CADPS: variants seen among roughly 807,000 people sequenced by gnomAD.
CADPS encodes the protein calcium dependent secretion activator.
A neutral mutation model predicts 167.3 loss-of-function variants in CADPS; 57 were observed. The ratio of observed to expected loss-of-function variants is 0.34; its 90% CI spans 0.28 to 0.42. The LOEUF is 0.42. Ranked by LOEUF, CADPS falls within the 20% of genes least tolerant of loss-of-function variation. The pLI is 1.00. For synonymous variants in CADPS, 676 were observed against 635.3 expected (o/e 1.06, Z -0.96); for missense variants, 1,414 against 1,738.1 (o/e 0.81, Z 3.32).
intron 21 of CADPS, among the ~76,000 whole-genome samples, chr3:62,484,304 G>T (rs769153805): frequency 1.3e-5 from 2 of 152,074 alleles, no homozygotes; most frequent in South Asian, 4.1e-4. Flanking sequence ...AATCAAGGAG[G>T]TAATTCTAAG....
chr3:62,550,077 C>G lies in CADPS; in HGVS notation c.1792G>C (p.Glu598Gln). The G allele has an allele frequency of 6.2e-7, 1 of 1,614,008 alleles. No homozygotes were observed. The highest frequency in any genetic ancestry group is 1.3e-5 in the African/African-American group (1 of 75,014). ...CTGGCAAATATCACGGTGTCTCCCT[C>G]CTTGACAGCATTGAAGAAGGCTCGG... The part of the protein sequence containing the change: ...GGRAFFNAVK[E>Q]GDTVIFASDD... The change falls in exon 11 of 30, where the codon GAG becomes CAG. Residue 598 changes from glutamate to glutamine, a missense_variant. Physicochemically the swap from Glu to Gln is conservative, Grantham distance 29. Around this residue, in one of 6 missense-constraint regions of CADPS, gnomAD observed 157 missense variants for 229.4 expected, o/e 0.68. Transcript: ENST00000383710.
chr3:62,809,459 C>T (rs189764539), intron 1 of CADPS, among the ~76,000 whole-genome samples: 1 of 152,294 alleles, frequency 6.6e-6, no homozygotes, highest in Admixed American at 6.5e-5. Flanking sequence ...AGCTTTTCCA[C>T]AGCAATCATC....
chr3:62,545,781 AT>A (rs1370078011), intron 11 of CADPS, among the ~76,000 whole-genome samples: 1 of 152,196 alleles, frequency 6.6e-6, no homozygotes, highest in Non-Finnish European at 1.5e-5. Context: ...TTTCCAAACT[AT>A]AAAAATGGTC....
At chr3:62,477,314 G>GT (rs34963178) in intron 23 of CADPS, among the ~76,000 whole-genome samples, 6,661 of 139,100 alleles carry the variant, frequency 0.048, 172 homozygotes, top group African/African-American at 0.083. Flanking sequence ...TGCAATCTGG[G>GT]TTTTTTTTTT....
chr3:62,550,196 T>C, intron 10 of CADPS, 81 bp from the exon 11 acceptor site: 1 of 1,093,304 alleles, frequency 9.1e-7, no homozygotes. Flanking sequence ...AAAAGCAGTT[T>C]CTGCTGCTTT....
At chr3:62,570,693 T>C (rs1290846626) in intron 9 of CADPS, among the ~76,000 whole-genome samples, 179 bp downstream of exon 9, 1 of 152,214 alleles carries the variant, frequency 6.6e-6, no homozygotes, top group East Asian at 1.9e-4. Context: ...GGGAGCCCTT[T>C]GGGTATTGGA....
chr3:62,461,587 GTGCCTCCTGCTTTCC>G (rs1198682240), intron 26 of CADPS, among the ~76,000 whole-genome samples: 1 of 152,162 alleles, frequency 6.6e-6, no homozygotes, highest in Non-Finnish European at 1.5e-5. Flanking sequence ...ATCCACAGAA[GTGCCTCCTGCTTTCC>G]TGCCTCCTGG....
Position 62,601,369 on chromosome 3 carries a change from A to C in CADPS, c.1326-8621T>G, listed in dbSNP as rs2149078931. Among the ~76,000 whole-genome samples, 1 of 152,248 alleles carries C rather than the reference A, an allele frequency of 6.6e-6. No homozygotes were observed. The highest frequency in any genetic ancestry group is 1.5e-5 in the Non-Finnish European group (1 of 68,024). ...GAGAATATAGGGCCAACAAACCGAA[A>C]ATTTTTACTTTCTGGTCCTTTATAG... On this transcript the variant is annotated intron_variant, in intron 6 of 29. Transcript: ENST00000383710. This position sits in a 1 kb window ranked among gnomAD's most constrained non-coding sequence, Gnocchi z 4.3.
chr3:62,801,656 C>T (rs572918449), intron 1 of CADPS, among the ~76,000 whole-genome samples: 70 of 152,056 alleles, frequency 4.6e-4, no homozygotes, highest in African/African-American at 1.7e-3. Context: ...TAGTAGCTAC[C>T]ACTTATTTAA....
At chr3:62,551,491 G>C (rs374228655) in intron 10 of CADPS, among the ~76,000 whole-genome samples, 16 of 152,110 alleles carry the variant, frequency 1.1e-4, no homozygotes, top group African/African-American at 3.9e-4. Context: ...CTCTATAGTT[G>C]ATGCTCACAA....
At chr3:62,613,697 G>A (rs780194954) in intron 6 of CADPS, among the ~76,000 whole-genome samples, 6 of 152,134 alleles carry the variant, frequency 3.9e-5, no homozygotes, top group Non-Finnish European at 8.8e-5. Context: ...AGATAACCAA[G>A]ATAATCTCAA....
intron 6 of CADPS, among the ~76,000 whole-genome samples, chr3:62,614,589 C>G (rs1000163615): frequency 6.6e-6 from 1 of 152,150 alleles, no homozygotes; most frequent in Non-Finnish European, 1.5e-5. Flanking sequence ...TTGTCTGGCT[C>G]TTGTAAACAT....
chr3:62,667,306 GA>G (rs1028172690), intron 3 of CADPS, among the ~76,000 whole-genome samples: 2 of 151,904 alleles, frequency 1.3e-5, no homozygotes, highest in African/African-American at 4.8e-5. Context: ...CTGCCTTTAG[GA>G]TATATGAAAG....
intron 1 of CADPS, among the ~76,000 whole-genome samples, chr3:62,820,401 A>G (rs1235084186): frequency 1.3e-5 from 2 of 152,160 alleles, no homozygotes; most frequent in Admixed American, 6.5e-5. Context: ...TTCATGGTAC[A>G]TGACTCTCCC....
intron 3 of CADPS, among the ~76,000 whole-genome samples, chr3:62,735,485 T>C (rs561327621): frequency 3.3e-5 from 5 of 152,182 alleles, no homozygotes; most frequent in Non-Finnish European, 7.3e-5. Flanking sequence ...AGGTATCATT[T>C]TGCATGTCTT....
At chr3:62,646,197 TG>T (rs1281132823) in intron 5 of CADPS, among the ~76,000 whole-genome samples, 3 of 149,268 alleles carry the variant, frequency 2.0e-5, no homozygotes, top group Non-Finnish European at 4.4e-5. Context: ...AGTCTCGCTC[TG>T]TCACCCAGGC....
chr3:62,718,832 G>C (rs1342359802), intron 3 of CADPS, among the ~76,000 whole-genome samples: 1 of 152,204 alleles, frequency 6.6e-6, no homozygotes, highest in Non-Finnish European at 1.5e-5. Context: ...CCCAGAGTCC[G>C]TGGGAGGCCT....
intron 9 of CADPS, among the ~76,000 whole-genome samples, chr3:62,568,868 C>T (rs2152437261): frequency 6.6e-6 from 1 of 152,248 alleles, no homozygotes; most frequent in Non-Finnish European, 1.5e-5. Context: ...CCAAAGCCTT[C>T]CATATATTCA....
chr3:62,745,275 G>T (rs568536520), intron 3 of CADPS, among the ~76,000 whole-genome samples: 1 of 152,136 alleles, frequency 6.6e-6, no homozygotes, highest in African/African-American at 2.4e-5. Context: ...ATTTCACCAT[G>T]TTGCCCAGCC....
Sources: allele counts gnomAD v4.1 joint callset (sites outside exome capture counted in the v4.1 genomes callset), GRCh38; gene constraint gnomAD v4.1.1; regional missense constraint gnomAD v4.1.1; non-coding constraint Gnocchi (gnomAD v3.1); transcripts MANE v1.5; gene names NCBI Gene and HGNC (gene_info 2026-07-23, HGNC 2026-07-21).